The following ARHGEF7 variants were observed in gnomAD, a reference collection of about 807,000 sequenced individuals.
ARHGEF7 encodes the protein Rho guanine nucleotide exchange factor 7.
Under a neutral mutation model 109.8 loss-of-function variants are expected in ARHGEF7, and 33 were observed. The observed-to-expected ratio is 0.30, with a 90% CI of 0.23 to 0.40. ARHGEF7 has a LOEUF of 0.40. ARHGEF7 is among the 10% of genes least tolerant of loss of function. The pLI, the probability that ARHGEF7 is intolerant of heterozygous loss-of-function variation, is 1.00. For missense variants in ARHGEF7, 938 were observed against 1,098.5 expected, an observed-to-expected ratio of 0.85 and a Z score of 2.07; for synonymous variants, 458 against 424.6, an observed-to-expected ratio of 1.08 and a Z score of -0.97.
chr13:111,249,660 G>A (rs1347488497), intron 8 of ARHGEF7, among the ~76,000 whole-genome samples: 1 of 152,124 alleles, frequency 6.6e-6, no homozygotes, highest in Non-Finnish European at 1.5e-5. Flanking sequence ...ACTTGACATT[G>A]CCAGGGTGAG....
intron 1 of ARHGEF7, among the ~76,000 whole-genome samples, chr13:111,129,119 C>T (rs527949658): frequency 2.0e-4 from 30 of 152,258 alleles, no homozygotes; most frequent in Middle Eastern, 3.4e-3. Context: ...CCAAAGGACA[C>T]TCTTTTCAGT....
At chr13:111,186,654 G>A (rs2079287205) in intron 2 of ARHGEF7, among the ~76,000 whole-genome samples, 1 of 152,206 alleles carries the variant, frequency 6.6e-6, no homozygotes, top group Non-Finnish European at 1.5e-5. Context: ...GACAGTGATA[G>A]GACAAAATTA....
rs2092301224 is a variant in ARHGEF7, at chr13:111,273,430, T to TACCA, written c.1074-384_1074-383insACCA. ...CTAGCTCTTTACCGGAGCAGCTCGGTCCTTGTTCTACCACCTTGAGACTCT... is the reference window on the plus strand; with the variant it reads ...CTAGCTCTTTACCGGAGCAGCTCGGTACCACCTTGTTCTACCACCTTGAGACTCT... On this transcript the variant is annotated intron_variant, in intron 9 of 21. Coordinates refer to ENST00000646102, the MANE Select transcript of ARHGEF7 (RefSeq NM_001354046.2). The surrounding 1 kb of genome is among the most constrained non-coding windows in gnomAD (Gnocchi z 4.5). Among the ~76,000 whole-genome samples the TACCA allele has an allele frequency of 6.6e-6, 1 of 152,210 alleles. No individual in the cohort carries two copies. The highest frequency in any genetic ancestry group is 6.5e-5 in the Admixed American group (1 of 15,286).
intron 8 of ARHGEF7, among the ~76,000 whole-genome samples, chr13:111,246,975 C>G (rs1400206514): frequency 6.6e-6 from 1 of 152,186 alleles, no homozygotes; most frequent in Non-Finnish European, 1.5e-5. Context: ...CATGTGTTTA[C>G]TAAGGCTTCA....
intron 2 of ARHGEF7, among the ~76,000 whole-genome samples, chr13:111,164,799 A>G (rs538271616): frequency 6.6e-6 from 1 of 152,218 alleles, no homozygotes; most frequent in Non-Finnish European, 1.5e-5. Context: ...TCGGGATAAG[A>G]ATAACCCTCA....
intron 2 of ARHGEF7, among the ~76,000 whole-genome samples, chr13:111,197,470 T>G (rs1018309189): frequency 2.0e-5 from 3 of 152,340 alleles, no homozygotes; most frequent in Middle Eastern, 3.4e-3. Context: ...GACGCATTCT[T>G]GAAAACCTGT....
chr13:111,219,266 T>C lies in ARHGEF7; in HGVS notation c.670+1386T>C, dbSNP rs186225695. On this transcript the variant is annotated intron_variant, in intron 5 of 21. Coordinates refer to ENST00000646102, the MANE Select transcript of ARHGEF7 (RefSeq NM_001354046.2). ...TTCGTGTAAGTGCAGTCATTTTGTC[T>C]TTTGACTGCTTATTTCATTCAGCAT... Among the ~76,000 whole-genome samples, 20 of 152,364 alleles carry C rather than the reference T, an allele frequency of 1.3e-4. No homozygotes were observed. The East Asian group carries it at 3.5e-3, about 26-fold the overall frequency.
At chr13:111,210,527 G>C (rs890110885) in intron 4 of ARHGEF7, among the ~76,000 whole-genome samples, 3 of 152,178 alleles carry the variant, frequency 2.0e-5, no homozygotes, top group Non-Finnish European at 4.4e-5. Context: ...TTAGATGATC[G>C]AACAGTTGTC....
chr13:111,178,035 C>G (rs573360943), intron 2 of ARHGEF7, among the ~76,000 whole-genome samples: 1 of 152,352 alleles, frequency 6.6e-6, no homozygotes, highest in South Asian at 2.1e-4. Context: ...CCTCCTTCCT[C>G]TCTCCTAAAC....
In ARHGEF7 at chr13:111,205,303, T is replaced by C. The variant is rs2153466596; in HGVS notation, c.267T>C (p.Asn89=). Residue 89 remains asparagine, a synonymous_variant, in exon 3 of 22, where the codon AAT becomes AAC. Coordinates refer to ENST00000646102, the MANE Select transcript of ARHGEF7 (RefSeq NM_001354046.2). The part of the protein sequence containing the change: ...ASLRLETFDA[N]DLYQGQNFNK... ...TTTCCTTTCAGACGTTTGATGCAAA[T>C]GATTTGTATCAGGGGCAGAATTTTA... 6.2e-7 allele frequency: 1 copy of C among 1,602,072 alleles called. No homozygotes were observed. The highest frequency in any genetic ancestry group is 1.3e-5 in the African/African-American group (1 of 74,094).
At chr13:111,192,953 G>A (rs112112180) in intron 2 of ARHGEF7, among the ~76,000 whole-genome samples, 4,919 of 152,192 alleles carry the variant, frequency 0.032, 232 homozygotes, top group Admixed American at 0.13. Flanking sequence ...AGTCCTCTCC[G>A]GGCTAGTGAC....
intron 1 of ARHGEF7, among the ~76,000 whole-genome samples, chr13:111,120,664 A>G (rs528061665): frequency 6.6e-6 from 1 of 152,326 alleles, no homozygotes; most frequent in East Asian, 1.9e-4. Context: ...CCCTCATTCT[A>G]TTAATAGAAG....
chr13:111,187,221 G>A (rs1005979995), intron 2 of ARHGEF7, among the ~76,000 whole-genome samples: 5 of 152,190 alleles, frequency 3.3e-5, no homozygotes, highest in South Asian at 2.1e-4. Flanking sequence ...TGCTGTGTCC[G>A]TTATTGTTGG....
intron 2 of ARHGEF7, among the ~76,000 whole-genome samples, chr13:111,168,387 C>T (rs1287466430): frequency 3.3e-5 from 5 of 152,180 alleles, no homozygotes; most frequent in African/African-American, 4.8e-5. Context: ...TCAGAGTCCC[C>T]GCCTCCTGCA....
intron 17 of ARHGEF7, among the ~76,000 whole-genome samples, chr13:111,286,936 T>A (rs980916388): frequency 6.6e-6 from 1 of 152,170 alleles, no homozygotes; most frequent in Admixed American, 6.5e-5. Context: ...GGATCTGTCC[T>A]ACAGGGCTCT....
intron 1 of ARHGEF7, among the ~76,000 whole-genome samples, chr13:111,150,527 T>G (rs1199398699): frequency 6.6e-6 from 1 of 152,242 alleles, no homozygotes; most frequent in Non-Finnish European, 1.5e-5. Flanking sequence ...TTTTTTATAT[T>G]TTCTGAAACA....
chr13:111,227,019 G>T (rs1361418653), intron 5 of ARHGEF7, among the ~76,000 whole-genome samples: 2 of 152,190 alleles, frequency 1.3e-5, no homozygotes, highest in East Asian at 1.9e-4. Context: ...AACAGCAAGA[G>T]AACTAAAATT....
chr13:111,133,806 T>A (rs1458581947), intron 1 of ARHGEF7, among the ~76,000 whole-genome samples: 4 of 24,486 alleles, frequency 1.6e-4, no homozygotes, highest in African/African-American at 3.1e-4. Context: ...TATATATATA[T>A]ATATATATTT....
At position 111,266,984 on chromosome 13, in the gene ARHGEF7, G is replaced by A. The variant is rs1567014133; in HGVS notation, c.951-564G>A. On this transcript the variant is annotated intron_variant, in intron 8 of 21. Coordinates refer to ENST00000646102, the MANE Select transcript of ARHGEF7 (RefSeq NM_001354046.2). This position sits in a 1 kb window ranked among gnomAD's most constrained non-coding sequence, Gnocchi z 4.8. ...GTGCCGACTTGTCACCCCTCATGCA[G>A]CTTCCAGTGCTGGTTCTGGTAGTCT... 1.6e-5 allele frequency: 7 copies of A among 445,152 alleles called. No individual in the cohort carries two copies. The East Asian group carries it at 5.0e-4, about 32-fold the overall frequency. The allele number at this position is 445,152 out of a possible 1,614,324, so 27.6% of individuals were successfully genotyped here.
Sources: gnomAD v4.1 joint callset for allele counts (sites outside exome capture counted in the v4.1 genomes callset) on GRCh38, gnomAD v4.1.1 for gene constraint, Gnocchi (gnomAD v3.1) non-coding constraint, MANE v1.5 for transcripts, NCBI Gene and HGNC (gene_info 2026-07-23, HGNC 2026-07-21) for gene names.